The following UBE2E1 variants were observed in gnomAD, a reference collection of about 807,000 sequenced individuals.
The protein encoded by UBE2E1 is ubiquitin-conjugating enzyme E2 E1.
Under a neutral mutation model 21.4 loss-of-function variants are expected in UBE2E1, and 6 were observed. The ratio of observed to expected loss-of-function variants is 0.28; its 90% CI spans 0.15 to 0.55. The LOEUF (loss-of-function observed/expected upper bound fraction) is 0.55. Ranked by LOEUF, UBE2E1 falls within the 20% of genes least tolerant of loss-of-function variation. The pLI, the probability that UBE2E1 is intolerant of heterozygous loss-of-function variation, is 0.93. For synonymous variants in UBE2E1, 87 were observed against 82.7 expected (o/e 1.05, Z -0.28); for missense variants, 142 against 236.5 (o/e 0.60, Z 2.62).
chr3:23,869,351 C>CTTTTTTTTT (rs58059005), intron 3 of UBE2E1, among the ~76,000 whole-genome samples: 1 of 114,620 alleles, frequency 8.7e-6, no homozygotes, highest in Non-Finnish European at 1.6e-5. Flanking sequence ...TTATGGTATC[C>CTTTTTTTTT]TTTTTTTTTT....
chr3:23,819,073 A>G (rs893679740), intron 3 of UBE2E1, among the ~76,000 whole-genome samples: 4 of 152,096 alleles, frequency 2.6e-5, no homozygotes, highest in African/African-American at 9.7e-5. Flanking sequence ...TCATGAGGTC[A>G]GGAGATTGAG....
intron 3 of UBE2E1, among the ~76,000 whole-genome samples, chr3:23,868,890 T>C (rs1404305691): frequency 3.3e-5 from 5 of 152,234 alleles, no homozygotes; most frequent in Non-Finnish European, 5.9e-5. Context: ...TGGATTTCTT[T>C]CCTTGCTTAG....
Position 23,810,669 on chromosome 3 carries a change from C to T in UBE2E1, c.153-791C>T. The T allele has an allele frequency of 1.3e-6, 1 of 789,678 alleles. No individual in the cohort carries two copies. The highest frequency in any genetic ancestry group is 1.9e-5 in the South Asian group (1 of 52,752). The allele number at this position is 789,678 out of a possible 1,614,324, so 48.9% of individuals were successfully genotyped here. Reference sequence around the variant, plus strand: ...GGGGTGTTCGCGCCCTGCTTTCGCGCGCGGTCTCGGGCCAAGGTTCTGGGC... The same window carrying T: ...GGGGTGTTCGCGCCCTGCTTTCGCGTGCGGTCTCGGGCCAAGGTTCTGGGC... On this transcript the variant is annotated intron_variant, in intron 2 of 5. Coordinates refer to ENST00000306627, the MANE Select transcript of UBE2E1 (RefSeq NM_003341.5). The surrounding 1 kb of genome is among the most constrained non-coding windows in gnomAD (Gnocchi z 5.8).
intron 3 of UBE2E1, among the ~76,000 whole-genome samples, chr3:23,859,839 G>C (rs770133137): frequency 3.9e-5 from 6 of 152,100 alleles, no homozygotes; most frequent in Non-Finnish European, 8.8e-5. Flanking sequence ...TTGGTACCTA[G>C]CATAGTATTG....
At chr3:23,832,270 G>A (rs2125294582) in intron 3 of UBE2E1, among the ~76,000 whole-genome samples, 2 of 152,346 alleles carry the variant, frequency 1.3e-5, no homozygotes, top group South Asian at 4.1e-4. Flanking sequence ...TAGTTGACCT[G>A]TTGGAAGAGA....
intron 3 of UBE2E1, among the ~76,000 whole-genome samples, chr3:23,882,537 C>T (rs2125327429): frequency 6.6e-6 from 1 of 152,222 alleles, no homozygotes; most frequent in South Asian, 2.1e-4. Context: ...GCCCACACTC[C>T]TCAACCCTTG....
intron 3 of UBE2E1, among the ~76,000 whole-genome samples, chr3:23,824,669 AG>A (rs1358842312): frequency 1.3e-5 from 2 of 152,250 alleles, no homozygotes; most frequent in African/African-American, 2.4e-5. Flanking sequence ...ATGCGTAGAA[AG>A]AAATGCTATG....
chr3:23,811,949 G>A (rs1699402442), intron 3 of UBE2E1, among the ~76,000 whole-genome samples: 1 of 152,186 alleles, frequency 6.6e-6, no homozygotes, highest in Non-Finnish European at 1.5e-5. Context: ...TTACTCCATA[G>A]CATATAGATT....
intron 3 of UBE2E1, among the ~76,000 whole-genome samples, chr3:23,865,593 G>A (rs1326443789): frequency 1.3e-5 from 2 of 152,184 alleles, no homozygotes; most frequent in East Asian, 1.9e-4. Context: ...GGCTCAAGCA[G>A]TCTGCCTGCC....
At chr3:23,884,696 C>T (rs1232125802) in intron 3 of UBE2E1, among the ~76,000 whole-genome samples, 4 of 152,112 alleles carry the variant, frequency 2.6e-5, no homozygotes, top group Admixed American at 6.6e-5. Context: ...AGGTTGGTTT[C>T]TTAGCACTAC....
At chr3:23,871,228 G>T (rs1163141894) in intron 3 of UBE2E1, among the ~76,000 whole-genome samples, 1 of 144,462 alleles carries the variant, frequency 6.9e-6, no homozygotes, top group Non-Finnish European at 1.5e-5. Flanking sequence ...CGGGCAGAGG[G>T]GCTCCTCACT....
Position 23,808,279 on chromosome 3 carries a change from C to T in UBE2E1, c.152+858C>T, listed in dbSNP as rs553479132. On this transcript the variant is annotated intron_variant, in intron 2 of 5. Transcript: ENST00000306627. The surrounding 1 kb of genome is among the most constrained non-coding windows in gnomAD (Gnocchi z 4.9). Reference sequence around the variant, plus strand: ...CTCTGGAGGTAGCTACTTTTTACCCCTGCCATCCTTCAGTAATATCCTCTG... The same window carrying T: ...CTCTGGAGGTAGCTACTTTTTACCCTTGCCATCCTTCAGTAATATCCTCTG... Among the ~76,000 whole-genome samples the T allele has an allele frequency of 6.6e-5, 10 of 152,220 alleles. No individual in the cohort carries two copies. Among genetic ancestry groups the T allele is most frequent in the Admixed American group, 2.6e-4 (4 of 15,296 alleles).
intron 1 of UBE2E1, 106 bp from the exon 2 acceptor site, chr3:23,807,131 C>A: frequency 1.1e-6 from 1 of 900,380 alleles, no homozygotes; most frequent in Non-Finnish European, 1.6e-6. Flanking sequence ...GGGCGGTGGG[C>A]GGCCGCGTGC....
chr3:23,855,481 A>G (rs931243884), intron 3 of UBE2E1, among the ~76,000 whole-genome samples: 1 of 152,198 alleles, frequency 6.6e-6, no homozygotes, highest in Admixed American at 6.5e-5. Context: ...TTAAGCAGTC[A>G]TTATTTCTTT....
At chr3:23,858,638 G>A (rs1270819190) in intron 3 of UBE2E1, among the ~76,000 whole-genome samples, 3 of 152,092 alleles carry the variant, frequency 2.0e-5, no homozygotes, top group Non-Finnish European at 4.4e-5. Flanking sequence ...TATGACAATG[G>A]AAGACAAACC....
intron 2 of UBE2E1, 105 bp from the exon 3 acceptor site, chr3:23,811,355 C>T: frequency 2.9e-6 from 3 of 1,047,842 alleles, no homozygotes; most frequent in East Asian, 4.8e-5. Flanking sequence ...CCAGTAGAAT[C>T]CAGTGATCGC....
chr3:23,888,065 G>A (rs1429588274), intron 4 of UBE2E1, among the ~76,000 whole-genome samples: 1 of 152,156 alleles, frequency 6.6e-6, no homozygotes, highest in Non-Finnish European at 1.5e-5. Context: ...CAGCTACTTG[G>A]GAGGATTGTT....
chr3:23,815,169 G>T (rs949267331), intron 3 of UBE2E1, among the ~76,000 whole-genome samples: 1 of 151,986 alleles, frequency 6.6e-6, no homozygotes, highest in South Asian at 2.1e-4. Flanking sequence ...TTTTTGTAGA[G>T]ACCAGGTTTT....
At chr3:23,855,385 C>G (rs914079574) in intron 3 of UBE2E1, among the ~76,000 whole-genome samples, 1 of 151,982 alleles carries the variant, frequency 6.6e-6, no homozygotes, top group Non-Finnish European at 1.5e-5. Flanking sequence ...TTAATTTTAA[C>G]CTTTAAAGTG....
Sources: gnomAD v4.1 joint callset for allele counts (sites outside exome capture counted in the v4.1 genomes callset) on GRCh38, gnomAD v4.1.1 for gene constraint, Gnocchi (gnomAD v3.1) non-coding constraint, MANE v1.5 for transcripts, NCBI Gene and HGNC (gene_info 2026-07-23, HGNC 2026-07-21) for gene names.